MBD5: variants seen among roughly 807,000 people sequenced by gnomAD.
The protein encoded by MBD5 is methyl-CpG-binding domain protein 5.
Under a neutral mutation model 117.3 loss-of-function variants are expected in MBD5, and 13 were observed. That is an observed-to-expected ratio of 0.11 (90% CI 0.07 to 0.18). The LOEUF is 0.18. Among genes scored for constraint, MBD5 ranks in the 10% least tolerant of loss-of-function variants. MBD5 has a pLI of 1.00. For missense variants in MBD5, 1,879 were observed against 2,093.8 expected, an observed-to-expected ratio of 0.90 and a Z score of 2.00; for synonymous variants, 727 against 766.4, an observed-to-expected ratio of 0.95 and a Z score of 0.85.
In MBD5 at chr2:148,332,245, TAA is replaced by T. The variant is rs550827056; in HGVS notation, c.-679-9968_-679-9967del. ...CTATATAGTTATATAATGATTTTGT[TAA>T]GTTTAATATTCAATTGTGCATGTTA... On this transcript the variant is annotated intron_variant, in intron 3 of 13. Coordinates refer to ENST00000642680, the MANE Select transcript of MBD5 (RefSeq NM_001378120.1). Among the ~76,000 whole-genome samples, 74 of 152,300 alleles carry T rather than the reference TAA, an allele frequency of 4.9e-4. 1 individual carries two copies. Among genetic ancestry groups the T allele is most frequent in the African/African-American group, 1.7e-3 (69 of 41,578 alleles).
intron 1 of MBD5, among the ~76,000 whole-genome samples, chr2:148,107,916 G>C (rs927454805): frequency 6.6e-6 from 1 of 152,060 alleles, no homozygotes; most frequent in African/African-American, 2.4e-5. Context: ...TCTGTTAGAT[G>C]CCTGAGAACA....
intron 4 of MBD5, among the ~76,000 whole-genome samples, chr2:148,455,660 G>T (rs1342660512): frequency 6.6e-6 from 1 of 151,710 alleles, no homozygotes; most frequent in Non-Finnish European, 1.5e-5. Flanking sequence ...CATTTGGCAG[G>T]AATCACTACA....
At chr2:148,208,339 C>T (rs12995143) in intron 2 of MBD5, among the ~76,000 whole-genome samples, 35,971 of 152,100 alleles carry the variant, frequency 0.24, 5,336 homozygotes, top group South Asian at 0.42. Context: ...GCAACCCCTG[C>T]CTCCCAGGTT....
intron 1 of MBD5, among the ~76,000 whole-genome samples, chr2:148,059,310 A>G (rs1573966016): frequency 6.6e-6 from 1 of 152,092 alleles, no homozygotes; most frequent in Non-Finnish European, 1.5e-5. Context: ...AAAGTTTTCT[A>G]TTTAGTTTCT....
At chr2:148,243,357 C>A (rs1385193625) in intron 3 of MBD5, among the ~76,000 whole-genome samples, 4 of 151,938 alleles carry the variant, frequency 2.6e-5, no homozygotes, top group Non-Finnish European at 5.9e-5. Flanking sequence ...AAAATGGAAT[C>A]TTTTTATCTC....
chr2:148,428,646 T>G (rs1018230990), intron 4 of MBD5, among the ~76,000 whole-genome samples: 2 of 151,886 alleles, frequency 1.3e-5, no homozygotes, highest in Admixed American at 6.6e-5. Context: ...CCAAAATAGA[T>G]ATATAGACCA....
chr2:148,412,299 T>TA (rs1301305156), intron 4 of MBD5, among the ~76,000 whole-genome samples: 6 of 151,266 alleles, frequency 4.0e-5, no homozygotes, highest in African/African-American at 4.9e-5. Flanking sequence ...TGTGTGTGTG[T>TA]GTGTAGAGAG....
At chr2:148,298,423 G>A (rs1004037820) in intron 3 of MBD5, among the ~76,000 whole-genome samples, 1 of 152,206 alleles carries the variant, frequency 6.6e-6, no homozygotes, top group Non-Finnish European at 1.5e-5. Flanking sequence ...AGTGGGTTGT[G>A]ACTCAAGTGC....
At chr2:148,422,119 C>T (rs1385760935) in intron 4 of MBD5, among the ~76,000 whole-genome samples, 1 of 152,294 alleles carries the variant, frequency 6.6e-6, no homozygotes, top group East Asian at 1.9e-4. Context: ...GGTCCCTGAC[C>T]CCCATGTATC....
chr2:148,228,344 CCTTTT>C (rs1699891066), intron 2 of MBD5, among the ~76,000 whole-genome samples: 1 of 152,164 alleles, frequency 6.6e-6, no homozygotes, highest in East Asian at 1.9e-4. Flanking sequence ...TTGTCAAGGG[CCTTTT>C]CTGCATCTAT....
intron 2 of MBD5, among the ~76,000 whole-genome samples, chr2:148,201,189 G>A (rs939466855): frequency 5.9e-5 from 9 of 152,138 alleles, no homozygotes; most frequent in South Asian, 2.1e-4. Context: ...CTGCAACTGC[G>A]TGCTCAGTCC....
At chr2:148,295,465 T>A (rs1405510245) in intron 3 of MBD5, among the ~76,000 whole-genome samples, 1 of 152,194 alleles carries the variant, frequency 6.6e-6, no homozygotes, top group East Asian at 1.9e-4. Flanking sequence ...GCTCCCTGCA[T>A]TTCTATTTCT....
chr2:148,063,553 CT>C (rs35670128), intron 1 of MBD5, among the ~76,000 whole-genome samples: 93,764 of 149,440 alleles, frequency 0.63, 29,850 homozygotes, highest in African/African-American at 0.77. Flanking sequence ...TCCAAGAAAA[CT>C]TTTTTTTTTT....
intron 5 of MBD5, among the ~76,000 whole-genome samples, chr2:148,459,762 GT>G (rs1707009801): frequency 6.6e-6 from 1 of 152,256 alleles, no homozygotes; most frequent in South Asian, 2.1e-4. Context: ...TTTTGGTTAT[GT>G]AAACACAGAC....
At chr2:148,344,541 T>A (rs894517030) in intron 4 of MBD5, among the ~76,000 whole-genome samples, 3 of 151,952 alleles carry the variant, frequency 2.0e-5, no homozygotes, top group Non-Finnish European at 4.4e-5. Context: ...ACCTCCTTAG[T>A]TAGATGTATT....
chr2:148,131,633 G>A (rs975566430), intron 1 of MBD5, among the ~76,000 whole-genome samples: 3 of 152,176 alleles, frequency 2.0e-5, no homozygotes, highest in Non-Finnish European at 2.9e-5. Flanking sequence ...GTTAAAGGGT[G>A]CAGTGAGCTA....
At chr2:148,061,126 G>T (rs1695024570) in intron 1 of MBD5, among the ~76,000 whole-genome samples, 1 of 151,496 alleles carries the variant, frequency 6.6e-6, no homozygotes, top group South Asian at 2.1e-4. Flanking sequence ...TTATTTTTTT[G>T]AGTTTATAAT....
At position 148,040,472 on chromosome 2, in the gene MBD5, C is replaced by G. The variant is rs116060815; in HGVS notation, c.-925+18788C>G. Among the ~76,000 whole-genome samples the G allele has an allele frequency of 3.4e-3, 513 of 152,204 alleles. 4 individuals carry two copies. The highest frequency in any genetic ancestry group is 0.012 in the African/African-American group (482 of 41,540). Reference sequence around the variant, plus strand: ...TATCCAGCCTTTTGATTCTTTAATTCTATCTCTCTGTGATCTAATTAAATA... The same window carrying G: ...TATCCAGCCTTTTGATTCTTTAATTGTATCTCTCTGTGATCTAATTAAATA... On this transcript the variant is annotated intron_variant, in intron 1 of 13. Coordinates refer to ENST00000642680, the MANE Select transcript of MBD5 (RefSeq NM_001378120.1).
chr2:148,166,244 A>C (rs1379410680), intron 1 of MBD5, among the ~76,000 whole-genome samples: 1 of 152,146 alleles, frequency 6.6e-6, no homozygotes, highest in East Asian at 1.9e-4. Flanking sequence ...AATTTATGTA[A>C]TCCAGACATC....
Sources: allele counts gnomAD v4.1 joint callset (sites outside exome capture counted in the v4.1 genomes callset), GRCh38; gene constraint gnomAD v4.1.1; transcripts MANE v1.5; gene names NCBI Gene and HGNC (gene_info 2026-07-23, HGNC 2026-07-21).